Variants in VWC2 observed in about 807,000 individuals in gnomAD.
The protein encoded by VWC2 is brorin.
In VWC2, 14 loss-of-function variants were observed where a neutral mutation model predicts 29.8. The observed-to-expected ratio is 0.47, with a 90% CI of 0.31 to 0.74. The LOEUF (loss-of-function observed/expected upper bound fraction) is 0.74. VWC2 is among the 30% of genes least tolerant of loss of function. The probability of loss-of-function intolerance (pLI) is 0.05; values close to 1 mark genes in which losing one functional copy is unlikely to be tolerated. For missense variants in VWC2, 457 were observed against 459.8 expected, an observed-to-expected ratio of 0.99 and a Z score of 0.05; for synonymous variants, 213 against 199.0, an observed-to-expected ratio of 1.07 and a Z score of -0.59.
intron 3 of VWC2, among the ~76,000 whole-genome samples, chr7:49,877,484 ATATATATAT>A (rs1562747798): frequency 0.021 from 558 of 26,570 alleles, 138 homozygotes; most frequent in African/African-American, 0.064. Context: ...AAAAAAAAAT[ATATATATAT>A]ATATATATAT....
At chr7:49,807,053 T>C (rs1175625638) in intron 3 of VWC2, among the ~76,000 whole-genome samples, 2 of 152,168 alleles carry the variant, frequency 1.3e-5, no homozygotes, top group East Asian at 3.9e-4. Context: ...AATAACATCA[T>C]ACAAATCAAA....
At chr7:49,796,353 A>G (rs1459818122) in intron 2 of VWC2, among the ~76,000 whole-genome samples, 2 of 152,130 alleles carry the variant, frequency 1.3e-5, no homozygotes, top group African/African-American at 4.8e-5. Context: ...TCAGCCTGGA[A>G]TTACTCTCTA....
intron 3 of VWC2, among the ~76,000 whole-genome samples, chr7:49,874,522 C>T (rs1218195487): frequency 6.6e-6 from 1 of 151,108 alleles, no homozygotes; most frequent in East Asian, 2.0e-4. Context: ...AATGTATCCT[C>T]GTTGTTACAT....
intron 3 of VWC2, among the ~76,000 whole-genome samples, chr7:49,862,732 T>TC (rs896941761): frequency 6.6e-6 from 1 of 152,078 alleles, no homozygotes. Context: ...ATGAGTTTTT[T>TC]TTTTTCATTC....
chr7:49,800,539 G>A (rs1788713476), intron 2 of VWC2, among the ~76,000 whole-genome samples: 1 of 152,170 alleles, frequency 6.6e-6, no homozygotes, highest in Middle Eastern at 3.4e-3. Flanking sequence ...TCTCTATAGG[G>A]GGATGGTGCT....
intron 3 of VWC2, among the ~76,000 whole-genome samples, chr7:49,838,601 G>A (rs1038758702): frequency 9.2e-5 from 14 of 151,964 alleles, no homozygotes; most frequent in Non-Finnish European, 1.8e-4. Context: ...ATCCTACAGC[G>A]CTTGAGTAGA....
chr7:49,853,960 C>T (rs544103422), intron 3 of VWC2, among the ~76,000 whole-genome samples: 13 of 149,382 alleles, frequency 8.7e-5, no homozygotes, highest in South Asian at 2.1e-4. Flanking sequence ...TGAGAACATG[C>T]GGTGTTTGGT....
intron 2 of VWC2, among the ~76,000 whole-genome samples, chr7:49,795,699 G>A (rs1444659650): frequency 6.6e-6 from 1 of 152,168 alleles, no homozygotes; most frequent in East Asian, 1.9e-4. Flanking sequence ...TTCATAATAT[G>A]TTGTGTAAGT....
intron 3 of VWC2, among the ~76,000 whole-genome samples, chr7:49,848,054 G>A (rs1363863896): frequency 2.6e-5 from 4 of 152,180 alleles, no homozygotes; most frequent in Admixed American, 2.0e-4. Flanking sequence ...GTGGGAAGTC[G>A]GAAGCTTCTA....
chr7:49,804,275 G>A (rs1788819152), intron 3 of VWC2, among the ~76,000 whole-genome samples: 1 of 151,742 alleles, frequency 6.6e-6, no homozygotes, highest in African/African-American at 2.4e-5. Context: ...AATAAAGGGG[G>A]AAGAAGACTC....
chr7:49,882,024 C>T (rs193088617), intron 3 of VWC2, among the ~76,000 whole-genome samples: 1 of 151,794 alleles, frequency 6.6e-6, no homozygotes, highest in South Asian at 2.1e-4. Flanking sequence ...TAGAGAAGCA[C>T]CCAAGCGCCA....
chr7:49,881,982 T>C (rs914349837), intron 3 of VWC2, among the ~76,000 whole-genome samples: 10 of 152,102 alleles, frequency 6.6e-5, no homozygotes, highest in African/African-American at 2.2e-4. Flanking sequence ...TCGTATTATT[T>C]TATAAGCCTA....
Position 49,775,359 on chromosome 7 carries a change from C to A in VWC2, c.-77C>A. ...GACGGCGGCTCCCGGCTGGCGGCGG[C>A]GCGCCCCCGGGCTGTGAATGCGACT... On this transcript the variant is annotated 5_prime_UTR_variant, in exon 2 of 4. Coordinates refer to ENST00000340652, the MANE Select transcript of VWC2 (RefSeq NM_198570.5). 8.4e-7 allele frequency: 1 copy of A among 1,195,466 alleles called. No homozygotes were observed. The highest frequency in any genetic ancestry group is 1.1e-6 in the Non-Finnish European group (1 of 940,094). 74.1% of individuals were successfully genotyped at this position (1,195,466 alleles called of 1,614,324 possible). A position where few individuals can be genotyped will look rare whatever the true frequency, so the allele number is the denominator to read the frequency against.
chr7:49,821,680 T>G (rs918476915), intron 3 of VWC2, among the ~76,000 whole-genome samples: 1 of 152,136 alleles, frequency 6.6e-6, no homozygotes, highest in African/African-American at 2.4e-5. Context: ...AAAAAAAGCT[T>G]TTGGAAGTTG....
intron 3 of VWC2, among the ~76,000 whole-genome samples, chr7:49,866,085 G>A (rs978373135): frequency 2.0e-5 from 3 of 152,060 alleles, no homozygotes; most frequent in Admixed American, 6.6e-5. Flanking sequence ...AATGTGAAAC[G>A]GTTTCATTCT....
intron 3 of VWC2, 106 bp from the exon 4 acceptor site, chr7:49,911,928 C>CACACACACACAT (rs1191000320): frequency 1.3e-6 from 1 of 764,584 alleles, no homozygotes; most frequent in African/African-American, 1.8e-5. Context: ...TACACGCACA[C>CACACACACACAT]ACACACACAC....
rs1793494108 is a variant in VWC2, at chr7:49,912,210, AC to A, written c.*26del. Reference sequence around the variant, plus strand: ...GACGCTTCCCAGAACACAAACTCTGACTTTTTCTAGAACATTTTACTGATGT... The same window carrying A: ...GACGCTTCCCAGAACACAAACTCTGATTTTTCTAGAACATTTTACTGATGT... On this transcript the variant is annotated 3_prime_UTR_variant, in exon 4 of 4. Coordinates refer to ENST00000340652, the MANE Select transcript of VWC2 (RefSeq NM_198570.5). 1.2e-6 allele frequency: 2 copies of A among 1,612,524 alleles called. No homozygotes were observed. Among genetic ancestry groups the A allele is most frequent in the Non-Finnish European group, 1.7e-6 (2 of 1,179,122 alleles).
chr7:49,784,361 C>G (rs1788248431), intron 2 of VWC2, among the ~76,000 whole-genome samples: 2 of 152,186 alleles, frequency 1.3e-5, no homozygotes, highest in African/African-American at 4.8e-5. Context: ...GCTGAAGTGG[C>G]AAGAAAATAA....
chr7:49,810,340 T>C (rs537374250), intron 3 of VWC2, among the ~76,000 whole-genome samples: 2 of 152,000 alleles, frequency 1.3e-5, no homozygotes, highest in South Asian at 4.1e-4. Flanking sequence ...CATGTCACAA[T>C]GCAAAATTTG....
Sources: allele counts gnomAD v4.1 joint callset (sites outside exome capture counted in the v4.1 genomes callset), GRCh38; gene constraint gnomAD v4.1.1; transcripts MANE v1.5; gene names NCBI Gene and HGNC (gene_info 2026-07-23, HGNC 2026-07-21).